FRMD4A: variants seen among roughly 807,000 people sequenced by gnomAD.
FRMD4A encodes the protein FERM domain containing 4A.
A neutral mutation model predicts 129.1 loss-of-function variants in FRMD4A; 29 were observed. The observed-to-expected ratio is 0.22, with a 90% CI of 0.17 to 0.31. The LOEUF (loss-of-function observed/expected upper bound fraction) is 0.31. FRMD4A is among the 10% of genes least tolerant of loss of function. FRMD4A has a pLI of 1.00. For synonymous variants in FRMD4A, 634 were observed against 571.6 expected (o/e 1.11, Z -1.56); for missense variants, 1,272 against 1,375.8 (o/e 0.92, Z 1.19).
chr10:13,983,000 T>C (rs998798288), intron 2 of FRMD4A, among the ~76,000 whole-genome samples: 3 of 152,246 alleles, frequency 2.0e-5, no homozygotes, highest in Non-Finnish European at 2.9e-5. Context: ...GGGGTCTGGC[T>C]CTGTCGTGCA....
At chr10:14,184,161 ACT>A (rs1326372673) in intron 2 of FRMD4A, among the ~76,000 whole-genome samples, 1 of 113,634 alleles carries the variant, frequency 8.8e-6, no homozygotes, top group African/African-American at 3.5e-5. Context: ...AGAGAGTCTC[ACT>A]CTCTGTTGCC....
chr10:14,180,683 A>G (rs748770067), intron 2 of FRMD4A, among the ~76,000 whole-genome samples: 6 of 152,244 alleles, frequency 3.9e-5, no homozygotes, highest in Non-Finnish European at 7.3e-5. Context: ...CTAATCCAAG[A>G]TGAGAGTTCC....
chr10:13,868,856 A>G (rs2094406229), intron 2 of FRMD4A, among the ~76,000 whole-genome samples: 1 of 152,210 alleles, frequency 6.6e-6, no homozygotes, highest in Non-Finnish European at 1.5e-5. Context: ...GTGGCTGGAT[A>G]CAGCTGCAGC....
intron 2 of FRMD4A, among the ~76,000 whole-genome samples, chr10:14,234,101 A>T (rs1027514112): frequency 6.6e-6 from 1 of 152,236 alleles, no homozygotes; most frequent in Admixed American, 6.5e-5. Flanking sequence ...CACCCTGCTC[A>T]GCCACAGACA....
At chr10:13,765,513 A>G (rs550539123) in intron 6 of FRMD4A, among the ~76,000 whole-genome samples, 1 of 152,230 alleles carries the variant, frequency 6.6e-6, no homozygotes, top group South Asian at 2.1e-4. Flanking sequence ...TTTGAAGGAG[A>G]GATATCTTTC....
chr10:13,739,303 C>CT (rs1255512505), intron 11 of FRMD4A, among the ~76,000 whole-genome samples: 2 of 152,174 alleles, frequency 1.3e-5, no homozygotes, highest in African/African-American at 2.4e-5. Context: ...GCTGTGTGCA[C>CT]TGCAACGGTT....
chr10:14,125,287 C>T (rs1589028365), intron 2 of FRMD4A, among the ~76,000 whole-genome samples: 1 of 152,186 alleles, frequency 6.6e-6, no homozygotes, highest in African/African-American at 2.4e-5. Flanking sequence ...TGCTTCTCCA[C>T]TGCCTTTGAA....
In FRMD4A at chr10:13,652,081, T is replaced by C. The variant is rs1376540781; in HGVS notation, c.3051-107A>G. On this transcript the variant is annotated intron_variant, in intron 23 of 24. Coordinates refer to ENST00000357447, the MANE Select transcript of FRMD4A (RefSeq NM_018027.5). ...TAGCTTATTAATATATCCGAAAGGC[T>C]TGCTGATTAGACACCTGAGTTAGCA... 4.0e-6 allele frequency: 3 copies of C among 748,138 alleles called. No homozygotes were observed. In the East Asian group the frequency reaches 7.4e-5, roughly 18 times the overall value. 46.3% of individuals were successfully genotyped at this position (748,138 alleles called of 1,614,324 possible).
chr10:14,019,933 C>T (rs555588011), intron 2 of FRMD4A, among the ~76,000 whole-genome samples: 8 of 152,292 alleles, frequency 5.3e-5, no homozygotes, highest in Non-Finnish European at 1.2e-4. Context: ...TGGGGCTCCT[C>T]ATCTATGGAC....
intron 2 of FRMD4A, among the ~76,000 whole-genome samples, chr10:13,863,293 GT>G (rs1297619302): frequency 6.6e-6 from 1 of 152,116 alleles, no homozygotes; most frequent in Non-Finnish European, 1.5e-5. Context: ...TCACTGATAT[GT>G]ATCCTGGCCT....
intron 2 of FRMD4A, among the ~76,000 whole-genome samples, chr10:13,923,577 C>T (rs559525122): frequency 1.3e-5 from 2 of 152,294 alleles, no homozygotes; most frequent in East Asian, 1.9e-4. Context: ...ATGGCCCAAA[C>T]CTATGTTTAC....
chr10:14,208,413 C>T (rs543355333), intron 2 of FRMD4A, among the ~76,000 whole-genome samples: 19 of 152,222 alleles, frequency 1.2e-4, no homozygotes, highest in South Asian at 8.3e-4. Context: ...CACCCACTCC[C>T]GCCTTACTCA....
intron 2 of FRMD4A, among the ~76,000 whole-genome samples, chr10:14,013,494 C>A (rs972807405): frequency 2.6e-5 from 4 of 152,020 alleles, no homozygotes; most frequent in African/African-American, 9.7e-5. Context: ...AAGAGAGGTG[C>A]CTGAAATGGC....
chr10:13,728,776 T>G (rs2090106429), intron 12 of FRMD4A, among the ~76,000 whole-genome samples: 1 of 151,902 alleles, frequency 6.6e-6, no homozygotes, highest in East Asian at 1.9e-4. Context: ...TTTATCACGT[T>G]GGCCAGGCTG....
At chr10:14,044,260 T>C (rs1384365090) in intron 2 of FRMD4A, among the ~76,000 whole-genome samples, 1 of 152,222 alleles carries the variant, frequency 6.6e-6, no homozygotes, top group Non-Finnish European at 1.5e-5. Context: ...GTTTGAGCTC[T>C]ATTGTTTTAG....
intron 2 of FRMD4A, among the ~76,000 whole-genome samples, chr10:14,209,718 CAAAAAAAAA>C (rs34707420): frequency 9.2e-6 from 1 of 108,558 alleles, no homozygotes; most frequent in Admixed American, 9.7e-5. Context: ...GAGACTGTCT[CAAAAAAAAA>C]AAAAAAAAAA....
At chr10:13,824,439 G>C (rs1005394881) in intron 3 of FRMD4A, among the ~76,000 whole-genome samples, 1 of 151,758 alleles carries the variant, frequency 6.6e-6, no homozygotes, top group Non-Finnish European at 1.5e-5. Flanking sequence ...GCAGTGAGCT[G>C]AGATTGCACT....
chr10:13,744,178 C>T (rs971226170), intron 9 of FRMD4A, among the ~76,000 whole-genome samples: 5 of 151,900 alleles, frequency 3.3e-5, no homozygotes, highest in East Asian at 1.9e-4. Flanking sequence ...TCAGTGGTTT[C>T]GGGGTTAAAA....
chr10:14,184,863 A>G (rs1486281073), intron 2 of FRMD4A, among the ~76,000 whole-genome samples: 1 of 152,222 alleles, frequency 6.6e-6, no homozygotes, highest in Admixed American at 6.5e-5. Flanking sequence ...ATCTTCGTGC[A>G]TGGCCTGCCC....
Sources: allele counts gnomAD v4.1 joint callset (sites outside exome capture counted in the v4.1 genomes callset), GRCh38; gene constraint gnomAD v4.1.1; transcripts MANE v1.5; gene names NCBI Gene and HGNC (gene_info 2026-07-23, HGNC 2026-07-21).